RTN4RL1: variants seen among roughly 807,000 people sequenced by gnomAD.
RTN4RL1 encodes reticulon 4 receptor like 1.
In RTN4RL1, 7 loss-of-function variants were observed where a neutral mutation model predicts 25.6. The observed-to-expected ratio is 0.27, with a 90% CI of 0.16 to 0.51. The LOEUF is 0.51. RTN4RL1 is among the 20% of genes least tolerant of loss of function. RTN4RL1 has a pLI of 0.97. For missense variants in RTN4RL1, 500 were observed against 615.6 expected, an observed-to-expected ratio of 0.81 and a Z score of 1.99; for synonymous variants, 297 against 288.2, an observed-to-expected ratio of 1.03 and a Z score of -0.31.
intron 1 of RTN4RL1, among the ~76,000 whole-genome samples, chr17:2,016,140 G>C (rs571895828): frequency 6.6e-6 from 1 of 152,318 alleles, no homozygotes; most frequent in South Asian, 2.1e-4. Flanking sequence ...CAGCACTTTG[G>C]GAGGCCGAGT....
chr17:1,979,524 T>TAG (rs11451350), intron 1 of RTN4RL1, among the ~76,000 whole-genome samples: 3 of 152,044 alleles, frequency 2.0e-5, no homozygotes, highest in Admixed American at 6.5e-5. Context: ...AAATGCTGAG[T>TAG]GGGGGGGTGT....
intron 1 of RTN4RL1, among the ~76,000 whole-genome samples, chr17:1,944,741 G>A (rs1418624174): frequency 2.6e-5 from 4 of 152,174 alleles, no homozygotes; most frequent in Admixed American, 6.6e-5. Flanking sequence ...ACAGGCATGA[G>A]CCACCGTGCC....
At chr17:2,013,426 T>G (rs930952939) in intron 1 of RTN4RL1, among the ~76,000 whole-genome samples, 1 of 152,364 alleles carries the variant, frequency 6.6e-6, no homozygotes, top group South Asian at 2.1e-4. Context: ...TGCATTTCTT[T>G]GCCTCAGGGC....
At chr17:1,948,015 C>A (rs1364720715) in intron 1 of RTN4RL1, among the ~76,000 whole-genome samples, 1 of 152,208 alleles carries the variant, frequency 6.6e-6, no homozygotes, top group Non-Finnish European at 1.5e-5. Context: ...GCTGCCCCCA[C>A]TCCTGCTTAG....
intron 1 of RTN4RL1, among the ~76,000 whole-genome samples, chr17:2,024,187 T>A (rs2067245648): frequency 1.3e-5 from 2 of 152,038 alleles, no homozygotes; most frequent in South Asian, 4.1e-4. Context: ...AAGCCAGCTG[T>A]CCTCAAGTTG....
chr17:1,979,063 A>C (rs1163189198), intron 1 of RTN4RL1, among the ~76,000 whole-genome samples: 1 of 152,270 alleles, frequency 6.6e-6, no homozygotes, highest in Admixed American at 6.5e-5. Flanking sequence ...ACTTGGGGTC[A>C]GGAGTTCAAG....
intron 1 of RTN4RL1, among the ~76,000 whole-genome samples, chr17:2,007,688 G>T (rs992783613): frequency 6.6e-6 from 1 of 152,226 alleles, no homozygotes; most frequent in Non-Finnish European, 1.5e-5. Flanking sequence ...GCTCACGCCT[G>T]TAATCCCAGC....
Position 2,024,983 on chromosome 17 carries a change from C to T in RTN4RL1, c.-118G>A. 2 of 1,147,094 alleles carry T rather than the reference C, an allele frequency of 1.7e-6. No individual in the cohort carries two copies. Among genetic ancestry groups the T allele is most frequent in the Non-Finnish European group, 2.5e-6 (2 of 809,986 alleles). The allele number at this position is 1,147,094 out of a possible 1,614,324, so 71.1% of individuals were successfully genotyped here. ...CGAGCGCGTCGAGGCGGGGGCAAGC[C>T]GGGGATCCGCTCGTGCCCGGTGGCC... On this transcript the variant is annotated 5_prime_UTR_variant, in exon 1 of 2. Transcript: ENST00000331238.
intron 1 of RTN4RL1, among the ~76,000 whole-genome samples, chr17:2,004,040 C>T (rs1320154257): frequency 6.6e-6 from 1 of 151,402 alleles, no homozygotes; most frequent in Non-Finnish European, 1.5e-5. Flanking sequence ...CACTGCACTC[C>T]AGCCTGGGCA....
intron 1 of RTN4RL1, among the ~76,000 whole-genome samples, chr17:1,990,281 C>T (rs1441125960): frequency 4.6e-5 from 7 of 151,866 alleles, no homozygotes; most frequent in Admixed American, 1.3e-4. Context: ...GCAGGAGAAT[C>T]GCTTGAATCT....
chr17:1,938,646 C>T (rs565111049), intron 1 of RTN4RL1, among the ~76,000 whole-genome samples: 1 of 152,132 alleles, frequency 6.6e-6, no homozygotes, highest in African/African-American at 2.4e-5. Flanking sequence ...AGCATGCATG[C>T]GTGGCACCAA....
At chr17:1,985,102 T>A (rs1185552455) in intron 1 of RTN4RL1, among the ~76,000 whole-genome samples, 1 of 152,266 alleles carries the variant, frequency 6.6e-6, no homozygotes, top group Non-Finnish European at 1.5e-5. Flanking sequence ...ATATACTTTG[T>A]TCCTTTTTAA....
intron 1 of RTN4RL1, among the ~76,000 whole-genome samples, chr17:1,948,539 G>GGACAGGCA (rs113681023): frequency 2.6e-5 from 4 of 152,140 alleles, no homozygotes; most frequent in Non-Finnish European, 4.4e-5. Flanking sequence ...ACCCACTGCC[G>GGACAGGCA]GACAGGCAGA....
intron 1 of RTN4RL1, among the ~76,000 whole-genome samples, chr17:1,978,906 G>A (rs2066855108): frequency 6.6e-6 from 1 of 152,228 alleles, no homozygotes; most frequent in African/African-American, 2.4e-5. Context: ...GGGCCACCTG[G>A]CTTCCCCACG....
At chr17:1,962,570 A>T (rs1315135157) in intron 1 of RTN4RL1, among the ~76,000 whole-genome samples, 1 of 151,924 alleles carries the variant, frequency 6.6e-6, no homozygotes, top group Non-Finnish European at 1.5e-5. Flanking sequence ...CCACCTTTTA[A>T]GAGTCATGGG....
intron 1 of RTN4RL1, among the ~76,000 whole-genome samples, chr17:1,988,518 A>AAAAAG (rs1210250771): frequency 2.3e-5 from 2 of 86,588 alleles, no homozygotes; most frequent in Non-Finnish European, 5.1e-5. Flanking sequence ...AAAAAAAAAA[A>AAAAAG]AAAAGAAAAG....
intron 1 of RTN4RL1, among the ~76,000 whole-genome samples, chr17:1,986,599 C>G (rs904332896): frequency 1.3e-5 from 2 of 152,120 alleles, no homozygotes; most frequent in Admixed American, 6.5e-5. Context: ...GATGCAGCCA[C>G]AGAGAACCCC....
In RTN4RL1 at chr17:1,987,481, G is replaced by A. The variant is rs111913593; in HGVS notation, c.13+37372C>T. Among the ~76,000 whole-genome samples, 1,468 of 152,210 alleles carry A rather than the reference G, an allele frequency of 9.6e-3. 20 individuals carry two copies. The highest frequency in any genetic ancestry group is 0.033 in the African/African-American group (1,377 of 41,520). ...AAGCCAAGAAGGAGAAACCACGTCC[G>A]GAGACACCATGGGCTCAAGATGCAC... is the stretch of plus-strand genomic sequence containing the variant. On this transcript the variant is annotated intron_variant, in intron 1 of 1. Coordinates refer to ENST00000331238, the MANE Select transcript of RTN4RL1 (RefSeq NM_178568.4).
intron 1 of RTN4RL1, among the ~76,000 whole-genome samples, chr17:1,997,971 C>T (rs2066937080): frequency 6.6e-6 from 1 of 152,192 alleles, no homozygotes; most frequent in Admixed American, 6.5e-5. Context: ...TTCGGTTGGG[C>T]TCCTGGGTCT....
Sources: gnomAD v4.1 joint callset for allele counts (sites outside exome capture counted in the v4.1 genomes callset) on GRCh38, gnomAD v4.1.1 for gene constraint, MANE v1.5 for transcripts, NCBI Gene and HGNC (gene_info 2026-07-23, HGNC 2026-07-21) for gene names.